Variants in CAMK4 observed in about 807,000 individuals in gnomAD.
The protein encoded by CAMK4 is calcium/calmodulin dependent protein kinase IV.
A neutral mutation model predicts 44.9 loss-of-function variants in CAMK4; 22 were observed. That is an observed-to-expected ratio of 0.49 (90% CI 0.35 to 0.70). The LOEUF (loss-of-function observed/expected upper bound fraction) is 0.70. Among genes scored for constraint, CAMK4 ranks in the 30% least tolerant of loss-of-function variants. The probability of loss-of-function intolerance (pLI) is 0.01; values close to 1 mark genes in which losing one functional copy is unlikely to be tolerated. For synonymous variants in CAMK4, 218 were observed against 215.4 expected, an observed-to-expected ratio of 1.01 and a Z score of -0.11; for missense variants, 498 against 586.8, an observed-to-expected ratio of 0.85 and a Z score of 1.56.
chr5:111,280,319 G>A (rs571490501), intron 1 of CAMK4, among the ~76,000 whole-genome samples: 26 of 152,208 alleles, frequency 1.7e-4, no homozygotes, highest in African/African-American at 5.8e-4. Flanking sequence ...AGAACATTCC[G>A]AAGGCACTGG....
At chr5:111,322,040 C>A (rs777470782) in intron 1 of CAMK4, among the ~76,000 whole-genome samples, 2 of 152,018 alleles carry the variant, frequency 1.3e-5, no homozygotes, top group Non-Finnish European at 2.9e-5. Context: ...AAAGGTACTA[C>A]ACTTGCCCTT....
intron 8 of CAMK4, among the ~76,000 whole-genome samples, chr5:111,477,700 A>G (rs562035907): frequency 6.6e-6 from 1 of 152,312 alleles, no homozygotes; most frequent in East Asian, 1.9e-4. Context: ...AATGAGGTAA[A>G]TTGAGGGTGC....
At chr5:111,431,638 T>C (rs1753446333) in intron 5 of CAMK4, among the ~76,000 whole-genome samples, 1 of 152,026 alleles carries the variant, frequency 6.6e-6, no homozygotes, top group South Asian at 2.1e-4. Flanking sequence ...AACCAGATTA[T>C]AAAAGGAACT....
At chr5:111,431,451 CAA>C (rs1753438494) in intron 5 of CAMK4, among the ~76,000 whole-genome samples, 1 of 152,046 alleles carries the variant, frequency 6.6e-6, no homozygotes, top group East Asian at 1.9e-4. Flanking sequence ...TTGGTCTGGG[CAA>C]AGACTTTTTG....
rs544944455 is a variant in CAMK4, at chr5:111,324,964, G to A, written c.162-19060G>A. On this transcript the variant is annotated intron_variant, in intron 1 of 10. Transcript: ENST00000282356. Reference sequence around the variant, plus strand: ...CCGTCATCTATGTTTTAAGCCCCGCGTGCATTAGGTATTTTCCTAATGCGC... The same window carrying A: ...CCGTCATCTATGTTTTAAGCCCCGCATGCATTAGGTATTTTCCTAATGCGC... 9.2e-5 allele frequency among the ~76,000 whole-genome samples: 14 copies of A among 151,456 alleles called. No homozygotes were observed. In the South Asian group the frequency reaches 1.9e-3, roughly 20 times the overall value.
chr5:111,480,302 C>G (rs1755393245), intron 9 of CAMK4, among the ~76,000 whole-genome samples: 1 of 106,122 alleles, frequency 9.4e-6, no homozygotes, highest in East Asian at 2.2e-4. Context: ...CTGGGTAACT[C>G]TTATTCTCAA....
At position 111,482,822 on chromosome 5, in the gene CAMK4, TG is replaced by T; in HGVS notation, c.867del (p.Thr290LeufsTer41). 1 of 1,612,464 alleles carries T rather than the reference TG, an allele frequency of 6.2e-7. No individual in the cohort carries two copies. ...ATTGTTTTGGATCCAAAGAAACGGCTGACTACATTTCAAGCTCTCCAGCATC... is the reference window on the plus strand; with the variant it reads ...ATTGTTTTGGATCCAAAGAAACGGCTACTACATTTCAAGCTCTCCAGCATC... The part of the protein sequence containing the change: ...KLIVLDPKKR[L>X]TTFQALQHPW... On this transcript the variant is annotated frameshift_variant, in exon 10 of 11. Coordinates refer to ENST00000282356, the MANE Select transcript of CAMK4 (RefSeq NM_001744.6). LOFTEE classifies it high-confidence loss of function. This position sits in a 1 kb window ranked among gnomAD's most constrained non-coding sequence, Gnocchi z 4.9.
At position 111,449,121 on chromosome 5, in the gene CAMK4, GTTA is replaced by G; in HGVS notation, c.551-4_551-2del. ...GTGCTTCATTAAATTTTTTTCTTGT[GTTA>G]TTAGCTGATTTTGGACTCTCTAAAA... is the stretch of plus-strand genomic sequence containing the variant. On this transcript the variant is annotated splice_polypyrimidine_tract_variant and splice_region_variant and intron_variant, in intron 6 of 10. Transcript: ENST00000282356. 7.2e-7 allele frequency: 1 copy of G among 1,388,278 alleles called. No homozygotes were observed. Among genetic ancestry groups the G allele is most frequent in the Non-Finnish European group, 1.0e-6 (1 of 988,078 alleles). The allele number at this position is 1,388,278 out of a possible 1,614,324, so 86.0% of individuals were successfully genotyped here. A position where few individuals can be genotyped will look rare whatever the true frequency, so the allele number is the denominator to read the frequency against.
At chr5:111,334,748 A>G (rs183352674) in intron 1 of CAMK4, among the ~76,000 whole-genome samples, 79 of 151,690 alleles carry the variant, frequency 5.2e-4, no homozygotes, top group African/African-American at 1.7e-3. Context: ...ATGAGCATTA[A>G]GAGGATCTTT....
intron 5 of CAMK4, among the ~76,000 whole-genome samples, chr5:111,440,118 C>T (rs1753774771): frequency 6.6e-6 from 1 of 152,174 alleles, no homozygotes; most frequent in Admixed American, 6.5e-5. Flanking sequence ...TTTCTTATTT[C>T]TCTTTGAGGA....
chr5:111,427,782 C>T (rs1029309836), intron 5 of CAMK4, among the ~76,000 whole-genome samples: 1 of 152,216 alleles, frequency 6.6e-6, no homozygotes, highest in Non-Finnish European at 1.5e-5. Context: ...CTGGACAGCA[C>T]TTCTGGACCC....
chr5:111,463,619 G>T (rs945139182), intron 7 of CAMK4, among the ~76,000 whole-genome samples: 1 of 152,190 alleles, frequency 6.6e-6, no homozygotes, highest in African/African-American at 2.4e-5. Context: ...ACTGGAGCAG[G>T]TGCTGCTATA....
intron 2 of CAMK4, among the ~76,000 whole-genome samples, chr5:111,344,429 CACAT>C (rs1367754728): frequency 2.6e-4 from 13 of 49,676 alleles, no homozygotes; most frequent in African/African-American, 5.6e-4. Context: ...CACACACACA[CACAT>C]ACACACACAC....
At position 111,400,041 on chromosome 5, in the gene CAMK4, T is replaced by G. The variant is rs1278597962; in HGVS notation, c.459+5259T>G. The stretch of plus-strand genomic sequence containing the variant: ...GGGTGCCCCACATAACACAGAAGGA[T>G]AAGAGTTCCTAGAACTCTGACTCAA... On this transcript the variant is annotated intron_variant, in intron 5 of 10. Coordinates refer to ENST00000282356, the MANE Select transcript of CAMK4 (RefSeq NM_001744.6). Among the ~76,000 whole-genome samples the G allele has an allele frequency of 3.3e-5, 5 of 152,172 alleles. 1 individual carries two copies. The highest frequency in any genetic ancestry group is 7.2e-5 in the African/African-American group (3 of 41,442).
chr5:111,315,771 T>A (rs4957939), intron 1 of CAMK4, among the ~76,000 whole-genome samples: 11,318 of 152,172 alleles, frequency 0.074, 562 homozygotes, highest in East Asian at 0.25. Flanking sequence ...CATGTTTTTT[T>A]GAAAAGGCTC....
intron 1 of CAMK4, among the ~76,000 whole-genome samples, chr5:111,329,446 T>G (rs1043068789): frequency 1.3e-5 from 2 of 151,898 alleles, no homozygotes; most frequent in African/African-American, 4.8e-5. Flanking sequence ...TTGTCCCTGT[T>G]TACAGATGAC....
chr5:111,298,553 T>A (rs903509501), intron 1 of CAMK4, among the ~76,000 whole-genome samples: 5 of 152,172 alleles, frequency 3.3e-5, no homozygotes, highest in African/African-American at 9.7e-5. Context: ...TCTCCCCACG[T>A]TGCCCAGACA....
At chr5:111,463,092 G>A (rs193279303) in intron 7 of CAMK4, among the ~76,000 whole-genome samples, 1 of 152,226 alleles carries the variant, frequency 6.6e-6, no homozygotes, top group Admixed American at 6.5e-5. Flanking sequence ...GAGGTTTTGT[G>A]GGAGCTTGGT....
chr5:111,310,319 T>C (rs1361367794), intron 1 of CAMK4, among the ~76,000 whole-genome samples: 1 of 152,208 alleles, frequency 6.6e-6, no homozygotes, highest in Non-Finnish European at 1.5e-5. Flanking sequence ...AATAAAGTGT[T>C]ATCTGTGTAC....
Sources: allele counts gnomAD v4.1 joint callset (sites outside exome capture counted in the v4.1 genomes callset), GRCh38; gene constraint gnomAD v4.1.1; non-coding constraint Gnocchi (gnomAD v3.1); transcripts MANE v1.5; gene names NCBI Gene and HGNC (gene_info 2026-07-23, HGNC 2026-07-21).